PARVB: variants seen among roughly 807,000 people sequenced by gnomAD.
The protein encoded by PARVB is beta-parvin.
PARVB carries 46 observed loss-of-function variants against 47.0 expected under a neutral mutation model. That is an observed-to-expected ratio of 0.98 (90% CI 0.77 to 1.25). The LOEUF is 1.25. Among genes scored for constraint, PARVB ranks in the 50% most tolerant of loss-of-function variants. The pLI, the probability that PARVB is intolerant of heterozygous loss-of-function variation, is 0.00. For synonymous variants in PARVB, 196 were observed against 196.3 expected, an observed-to-expected ratio of 1.00 and a Z score of 0.01; for missense variants, 473 against 471.6, an observed-to-expected ratio of 1.00 and a Z score of -0.03.
chr22:44,163,473 A>G (rs546748402), intron 11 of PARVB, among the ~76,000 whole-genome samples: 3 of 152,256 alleles, frequency 2.0e-5, no homozygotes, highest in Middle Eastern at 3.4e-3. Context: ...CCCTGTCTCA[A>G]AAAACGTAAA....
At chr22:44,094,039 C>G in intron 2 of PARVB, 22 bp downstream of exon 2, 1 of 1,450,190 alleles carries the variant, frequency 6.9e-7, no homozygotes, top group South Asian at 1.2e-5. Flanking sequence ...CCTCCGCTCC[C>G]TGCCCTGAGA....
intron 2 of PARVB, among the ~76,000 whole-genome samples, chr22:44,006,420 T>C (rs574893574): frequency 5.9e-5 from 9 of 152,334 alleles, no homozygotes; most frequent in African/African-American, 2.2e-4. Context: ...GGTCAGGAGA[T>C]TGAGACCATC....
Position 44,100,091 on chromosome 22 carries a change from A to G in PARVB, c.241A>G (p.Lys81Glu). The G allele has an allele frequency of 6.2e-7, 1 of 1,613,982 alleles. No homozygotes were observed. Among genetic ancestry groups the G allele is most frequent in the African/African-American group, 1.3e-5 (1 of 74,996 alleles). Residue 81 changes from lysine to glutamate, a missense_variant, in exon 3 of 13, where the codon AAG (lysine) becomes GAG (glutamate). Coordinates refer to ENST00000338758, the MANE Select transcript of PARVB (RefSeq NM_013327.5). ...EERTMIDPTS[K>E]EDPKFKELVK... ...GCGCACGATGATTGACCCCACTTCC[A>G]AGGAAGACCCCAAGTTCAAGGAACT...
chr22:44,109,585 C>A (rs2052645125), intron 3 of PARVB: 1 of 152,202 alleles, frequency 6.6e-6, no homozygotes, highest in Non-Finnish European at 1.5e-5. Context: ...TAAGTTGTAC[C>A]TCCTCGGGGT....
chr22:44,077,270 T>C (rs1216520937), intron 1 of PARVB, among the ~76,000 whole-genome samples: 1 of 152,192 alleles, frequency 6.6e-6, no homozygotes, highest in African/African-American at 2.4e-5. Context: ...TGGTGTTCCC[T>C]GCCGTGGGCC....
rs1217250458 is a variant in PARVB at position 44,169,183 on chromosome 22, T to C, written c.*505T>C. On this transcript the variant is annotated 3_prime_UTR_variant, in exon 13 of 13. Coordinates refer to ENST00000338758, the MANE Select transcript of PARVB (RefSeq NM_013327.5). Reference sequence around the variant, plus strand: ...TCCTGGGCTGGGCTCTCCTTGGAAGTGAGGCCTTTTATTAAAAATAAAAGG... The same window carrying C: ...TCCTGGGCTGGGCTCTCCTTGGAAGCGAGGCCTTTTATTAAAAATAAAAGG... 6.6e-6 allele frequency: 1 copy of C among 151,358 alleles called. No homozygotes were observed. The allele number at this position is 151,358 out of a possible 1,614,324, so 9.4% of individuals were successfully genotyped here.
Position 44,170,246 on chromosome 22 carries a change from C to G in PARVB, c.*1568C>G, listed in dbSNP as rs571120888. ...AAACCCCTGGGCTTGAGCGACCCAC[C>G]CACCTCAGCCTCCCAAAGTGCTGGG... On this transcript the variant is annotated 3_prime_UTR_variant, in exon 13 of 13. Coordinates refer to ENST00000338758, the MANE Select transcript of PARVB (RefSeq NM_013327.5). The G allele has an allele frequency of 4.6e-5, 7 of 152,212 alleles. No homozygotes were observed. The highest frequency in any genetic ancestry group is 1.7e-4 in the African/African-American group (7 of 41,534). 9.4% of individuals were successfully genotyped at this position (152,212 alleles called of 1,614,324 possible). A position where few individuals can be genotyped will look rare whatever the true frequency, so the allele number is the denominator to read the frequency against.
At chr22:44,012,384 C>G (rs563086278) in intron 2 of PARVB, among the ~76,000 whole-genome samples, 2 of 152,178 alleles carry the variant, frequency 1.3e-5, no homozygotes, top group African/African-American at 2.4e-5. Flanking sequence ...TCTGCTCACA[C>G]GTGGCATGGG....
chr22:44,069,017 C>G, intron 1 of PARVB: 1 of 1,088,942 alleles, frequency 9.2e-7, no homozygotes, highest in Admixed American at 2.3e-5. Flanking sequence ...CTCAAAGGCT[C>G]CCCAAAGAGG....
At chr22:44,006,996 A>ATCCCCC (rs2146847806) in intron 2 of PARVB, among the ~76,000 whole-genome samples, 1 of 152,358 alleles carries the variant, frequency 6.6e-6, no homozygotes, top group African/African-American at 2.4e-5. Flanking sequence ...AGCTGCTCCC[A>ATCCCCC]TCCATGTGAG....
At chr22:44,165,438 T>C (rs770221479) in intron 12 of PARVB, among the ~76,000 whole-genome samples, 26 of 152,320 alleles carry the variant, frequency 1.7e-4, no homozygotes, top group Admixed American at 7.2e-4. Flanking sequence ...AGCTGCTGCC[T>C]GTAGATACCG....
chr22:44,083,650 A>G (rs1041976719), intron 1 of PARVB, among the ~76,000 whole-genome samples: 4 of 152,116 alleles, frequency 2.6e-5, no homozygotes, highest in Non-Finnish European at 5.9e-5. Context: ...GGGCAGAGAT[A>G]TGACCTACAG....
At chr22:44,011,522 C>T (rs55736117) in intron 2 of PARVB, among the ~76,000 whole-genome samples, 1 of 151,974 alleles carries the variant, frequency 6.6e-6, no homozygotes, top group Non-Finnish European at 1.5e-5. Context: ...GAGGCAAGAA[C>T]ATTGTAAGCC....
chr22:44,073,886 T>C (rs1172460411), intron 1 of PARVB, among the ~76,000 whole-genome samples: 1 of 152,210 alleles, frequency 6.6e-6, no homozygotes, highest in Non-Finnish European at 1.5e-5. Context: ...CGAGCATGAT[T>C]GCCATTTTTA....
At chr22:44,000,796 C>T (rs2050405774) in intron 2 of PARVB, among the ~76,000 whole-genome samples, 1 of 152,230 alleles carries the variant, frequency 6.6e-6, no homozygotes, top group South Asian at 2.1e-4. Flanking sequence ...CTTTTTCACA[C>T]TCTGTTCCAT....
chr22:44,167,541 C>A lies in PARVB; in HGVS notation c.1019-1061C>A, dbSNP rs1033089024. ...GGGGCCAGGAGGTGATGGCCCCCAC[C>A]CCTGGGAGCTCCTCTGTCCTTGCTG... On this transcript the variant is annotated intron_variant, in intron 12 of 12. Coordinates refer to ENST00000338758, the MANE Select transcript of PARVB (RefSeq NM_013327.5). Among the ~76,000 whole-genome samples, 6 of 152,134 alleles carry A rather than the reference C, an allele frequency of 3.9e-5. No homozygotes were observed. In the East Asian group the frequency reaches 1.2e-3, roughly 30 times the overall value.
At chr22:44,069,640 T>C (rs943776624) in intron 1 of PARVB, among the ~76,000 whole-genome samples, 2 of 152,138 alleles carry the variant, frequency 1.3e-5, no homozygotes, top group Non-Finnish European at 2.9e-5. Flanking sequence ...GTGATCCTCC[T>C]GCCTCAGCCT....
intron 1 of PARVB, among the ~76,000 whole-genome samples, chr22:44,062,061 G>C (rs371321226): frequency 6.6e-6 from 1 of 152,198 alleles, no homozygotes; most frequent in Admixed American, 6.5e-5. Flanking sequence ...ACAATTATTT[G>C]TTTAGCACTG....
intron 4 of PARVB, among the ~76,000 whole-genome samples, chr22:44,129,400 C>A (rs569661715): frequency 7.9e-5 from 12 of 152,178 alleles, no homozygotes; most frequent in African/African-American, 2.9e-4. Flanking sequence ...ATCCAGTGTC[C>A]TCCGCTCCTC....
Sources: allele counts gnomAD v4.1 joint callset (sites outside exome capture counted in the v4.1 genomes callset), GRCh38; gene constraint gnomAD v4.1.1; transcripts MANE v1.5; gene names NCBI Gene and HGNC (gene_info 2026-07-23, HGNC 2026-07-21).